Variants in SETD7 observed in about 807,000 individuals in gnomAD.
SETD7 encodes the protein SET domain containing 7, histone lysine methyltransferase.
SETD7 carries 16 observed loss-of-function variants against 41.8 expected under a neutral mutation model. The ratio of observed to expected loss-of-function variants is 0.38; its 90% CI spans 0.26 to 0.58. SETD7 has a LOEUF of 0.58. Ranked by LOEUF, SETD7 falls within the 20% of genes least tolerant of loss-of-function variation. The probability of loss-of-function intolerance (pLI) is 0.64; values close to 1 mark genes in which losing one functional copy is unlikely to be tolerated. For synonymous variants in SETD7, 163 were observed against 169.7 expected, an observed-to-expected ratio of 0.96 and a Z score of 0.31; for missense variants, 346 against 459.7, an observed-to-expected ratio of 0.75 and a Z score of 2.26.
At chr4:139,503,079 G>A (rs1415197448), downstream of SETD7, among the ~76,000 whole-genome samples, 4 of 150,244 alleles carry the variant, frequency 2.7e-5, no homozygotes, top group Non-Finnish European at 5.9e-5. Context: ...TTGGGAGCCT[G>A]AGGCAGGAGA....
At chr4:139,496,615 C>G in intron 7 of SETD7, 1 of 619,944 alleles carries the variant, frequency 1.6e-6, no homozygotes, top group Non-Finnish European at 2.9e-6. Flanking sequence ...AGAAAGGAGA[C>G]TTTTAGAAAC....
At chr4:139,530,553 A>C (rs1264415782) in intron 3 of SETD7, among the ~76,000 whole-genome samples, 1 of 152,200 alleles carries the variant, frequency 6.6e-6, no homozygotes, top group Non-Finnish European at 1.5e-5. Context: ...TACTTCCTGC[A>C]AGATCTGCTT....
intron 7 of SETD7, among the ~76,000 whole-genome samples, chr4:139,516,906 C>T (rs2111129339): frequency 6.6e-6 from 1 of 152,260 alleles, no homozygotes; most frequent in South Asian, 2.1e-4. Context: ...CCCATTAGCA[C>T]ACACTCCTTA....
chr4:139,504,245 C>T (rs148203929), downstream of SETD7, among the ~76,000 whole-genome samples: 2,287 of 152,204 alleles, frequency 0.015, 27 homozygotes, highest in Non-Finnish European at 0.024. Context: ...AATCTTTTTC[C>T]GTGTACATTA....
chr4:139,525,640 A>G (rs965149681), intron 4 of SETD7, among the ~76,000 whole-genome samples: 1 of 152,240 alleles, frequency 6.6e-6, no homozygotes, highest in Non-Finnish European at 1.5e-5. Flanking sequence ...TGGTTACAAA[A>G]GCACACAGAG....
At chr4:139,535,894 C>G (rs924077814) in intron 2 of SETD7, among the ~76,000 whole-genome samples, 1 of 152,000 alleles carries the variant, frequency 6.6e-6, no homozygotes, top group African/African-American at 2.4e-5. Context: ...TTTTAAAATC[C>G]TCTGTCATTG....
Position 139,520,323 on chromosome 4 carries a change from T to C in SETD7, c.716A>G (p.Asn239Ser). 6.2e-7 allele frequency: 1 copy of C among 1,610,884 alleles called. No individual in the cohort carries two copies. Among genetic ancestry groups the C allele is most frequent in the South Asian group, 1.1e-5 (1 of 90,416 alleles). Residue 239 changes from asparagine (N) to serine (S), a missense_variant, in exon 6 of 8, where the codon AAT (asparagine) becomes AGT (serine). Asn to Ser is a conservative substitution (Grantham distance 46). Transcript: ENST00000274031. Reference sequence around the variant, plus strand: ...TCCATTATAAAAAGACATAACAGTATTAGGTCCCACAGCTACCTTTGAAAA... The same window carrying C: ...TCCATTATAAAAAGACATAACAGTACTAGGTCCCACAGCTACCTTTGAAAA... The part of the protein sequence containing the change: ...GLFSKVAVGP[N>S]TVMSFYNGVR...
intron 4 of SETD7, among the ~76,000 whole-genome samples, chr4:139,526,511 T>C (rs1002068898): frequency 6.6e-6 from 1 of 151,496 alleles, no homozygotes; most frequent in African/African-American, 2.4e-5. Context: ...CTTGAACTTC[T>C]GGGCTCAAGT....
At chr4:139,511,933 CA>C in intron 7 of SETD7, 90 bp from the exon 8 acceptor site, 1 of 1,506,874 alleles carries the variant, frequency 6.6e-7, no homozygotes, top group Non-Finnish European at 8.8e-7. Context: ...GAATCACCCC[CA>C]GGCACTCTTC....
chr4:139,513,942 G>A (rs555528002), intron 7 of SETD7, among the ~76,000 whole-genome samples: 29 of 152,352 alleles, frequency 1.9e-4, no homozygotes, highest in Admixed American at 3.9e-4. Context: ...CGTGGACTGT[G>A]GATTCAGGAA....
chr4:139,550,068 A>G (rs970335270), intron 1 of SETD7, among the ~76,000 whole-genome samples: 2 of 152,118 alleles, frequency 1.3e-5, no homozygotes, highest in African/African-American at 2.4e-5. Flanking sequence ...TTTTTTTTAT[A>G]GAGATAGGGT....
rs1560692353 is a variant in SETD7, at chr4:139,546,574, T to C, written c.170+346A>G. On this transcript the variant is annotated intron_variant, in intron 2 of 7. Coordinates refer to ENST00000274031, the MANE Select transcript of SETD7 (RefSeq NM_030648.4). ...GCCACTGACAAAAACGATCCCCACT[T>C]GTGTGACTTCAGGGAGATGCGCTAC... 3 of 352,218 alleles carry C rather than the reference T, an allele frequency of 8.5e-6. No individual in the cohort carries two copies. The East Asian group carries it at 2.3e-4, about 27-fold the overall frequency. 21.8% of individuals were successfully genotyped at this position (352,218 alleles called of 1,614,324 possible).
chr4:139,547,569 A>G (rs1467974718), intron 1 of SETD7, among the ~76,000 whole-genome samples: 1 of 152,226 alleles, frequency 6.6e-6, no homozygotes, highest in Non-Finnish European at 1.5e-5. Context: ...ATTCTATAAT[A>G]TGATGTGGAG....
At chr4:139,514,381 C>G (rs1726963714) in intron 7 of SETD7, among the ~76,000 whole-genome samples, 1 of 152,056 alleles carries the variant, frequency 6.6e-6, no homozygotes, top group Non-Finnish European at 1.5e-5. Flanking sequence ...AACCAAAAAA[C>G]AGACCCTGTG....
downstream of SETD7, among the ~76,000 whole-genome samples, chr4:139,501,406 G>A (rs1726573587): frequency 8.4e-6 from 1 of 119,226 alleles, no homozygotes; most frequent in Non-Finnish European, 1.6e-5. Context: ...CATTCAGAGT[G>A]ACATAATGGA....
intron 1 of SETD7, among the ~76,000 whole-genome samples, chr4:139,549,863 C>T (rs1342821075): frequency 3.9e-5 from 6 of 152,084 alleles, no homozygotes; most frequent in South Asian, 2.1e-4. Flanking sequence ...CTGCAACCTC[C>T]GCCTCCCGGG....
chr4:139,535,081 A>G (rs1478290861), intron 2 of SETD7, among the ~76,000 whole-genome samples: 1 of 152,168 alleles, frequency 6.6e-6, no homozygotes, highest in Non-Finnish European at 1.5e-5. Flanking sequence ...AAATTCTAAA[A>G]CAGTGAGGTT....
At chr4:139,516,340 C>T (rs947347863) in intron 7 of SETD7, among the ~76,000 whole-genome samples, 16 of 151,836 alleles carry the variant, frequency 1.1e-4, no homozygotes, top group African/African-American at 3.9e-4. Flanking sequence ...ATGGCAGGTG[C>T]CTGTAATCCC....
chr4:139,509,626 G>C lies in SETD7; in HGVS notation c.*2037C>G. 1.1e-6 allele frequency: 1 copy of C among 875,992 alleles called. No individual in the cohort carries two copies. The highest frequency in any genetic ancestry group is 1.4e-6 in the Non-Finnish European group (1 of 730,304). The allele number at this position is 875,992 out of a possible 1,614,324, so 54.3% of individuals were successfully genotyped here. A position where few individuals can be genotyped will look rare whatever the true frequency, so the allele number is the denominator to read the frequency against. On this transcript the variant is annotated 3_prime_UTR_variant, in exon 8 of 8. Coordinates refer to ENST00000274031, the MANE Select transcript of SETD7 (RefSeq NM_030648.4). ...ACCTGGCTGCACAACCCACTTGATC[G>C]AGGTTAATGCAAGCCATCTTTCTCC...
Sources: allele counts gnomAD v4.1 joint callset (sites outside exome capture counted in the v4.1 genomes callset), GRCh38; gene constraint gnomAD v4.1.1; transcripts MANE v1.5; gene names NCBI Gene and HGNC (gene_info 2026-07-23, HGNC 2026-07-21).